CLEC12B: variants seen among roughly 807,000 people sequenced by gnomAD.
The protein encoded by CLEC12B is macrophage antigen h.
CLEC12B carries 25 observed loss-of-function variants against 36.1 expected under a neutral mutation model. The observed-to-expected ratio is 0.69, with a 90% CI of 0.50 to 0.97. CLEC12B has a LOEUF of 0.97. CLEC12B is among the 50% of genes least tolerant of loss of function. The pLI is 0.00. For synonymous variants in CLEC12B, 110 were observed against 108.5 expected (o/e 1.01, Z -0.09); for missense variants, 325 against 318.4 (o/e 1.02, Z -0.16).
intron 2 of CLEC12B, chr12:10,013,204 TAA>T (rs1236398314): frequency 3.2e-6 from 1 of 314,842 alleles, no homozygotes; most frequent in Non-Finnish European, 5.9e-6. Context: ...TGCTGAGAAA[TAA>T]AGTCAAGAAA....
intron 2 of CLEC12B, 27 bp from the exon 3 acceptor site, chr12:10,014,496 G>C: frequency 2.7e-6 from 4 of 1,484,920 alleles, no homozygotes; most frequent in Non-Finnish European, 3.8e-6. Context: ...AAGAATATAT[G>C]AACTTGTCTC....
In CLEC12B at chr12:10,018,068, C is replaced by T. The variant is rs950011260; in HGVS notation, c.681-263C>T. On this transcript the variant is annotated intron_variant, in intron 5 of 5. Coordinates refer to ENST00000338896, the MANE Select transcript of CLEC12B (RefSeq NM_001129998.3). ...GAATTACATATTTATGAAGGAAATA[C>T]AAATTCTCAGTCCAGGATTTAAGTA... The T allele has an allele frequency of 4.6e-5, 33 of 721,210 alleles. No individual in the cohort carries two copies. In the African/African-American group the frequency reaches 5.3e-4, roughly 12 times the overall value. The allele number at this position is 721,210 out of a possible 1,614,324, so 44.7% of individuals were successfully genotyped here. A position where few individuals can be genotyped will look rare whatever the true frequency, so the allele number is the denominator to read the frequency against.
chr12:10,017,702 T>G, intron 5 of CLEC12B: 1 of 933,912 alleles, frequency 1.1e-6, no homozygotes. Context: ...TGCAGGTCAT[T>G]TAGAAAAAAA....
intron 5 of CLEC12B, chr12:10,017,743 G>GTATAGTAT (rs1865522276): frequency 4.6e-6 from 4 of 872,866 alleles, no homozygotes; most frequent in Non-Finnish European, 5.5e-6. Context: ...ATTTAGATCT[G>GTATAGTAT]ACAAGTATAA....
upstream of CLEC12B, among the ~76,000 whole-genome samples, chr12:10,009,807 C>T (rs911404182): frequency 6.6e-6 from 1 of 152,124 alleles, no homozygotes; most frequent in Non-Finnish European, 1.5e-5. Flanking sequence ...CCAATCCTTC[C>T]CCTAAGTACA....
Position 10,012,822 on chromosome 12 carries a change from T to C in CLEC12B, c.129T>C (p.Ala43=), listed in dbSNP as rs35658169. 2,077 of 1,613,804 alleles carry C rather than the reference T, an allele frequency of 1.3e-3. 32 individuals are homozygous for C. The African/African-American group carries it at 0.024, about 19-fold the overall frequency. ...CATCTCCCATTTGGCGTCATGCTGC[T>C]CTGGGTCTGGTAACTCTTTGCCTGA... ...PAPSPIWRHA[A]LGLVTLCLML... is the part of the protein sequence containing the mutation. The change falls in exon 2 of 6, where the codon GCT becomes GCC. Residue 43 remains alanine (A), a synonymous_variant. Transcript: ENST00000338896.
upstream of CLEC12B, among the ~76,000 whole-genome samples, chr12:10,006,381 GCACGAATCTATAAGAAATTAATT>G (rs1375785222): frequency 4.0e-5 from 6 of 151,868 alleles, no homozygotes; most frequent in African/African-American, 1.4e-4. Context: ...TTATCTCAAG[GCACGAATCTATAAGAAATTAATT>G]CCCATTCTGG....
chr12:10,012,661 C>A, intron 1 of CLEC12B, 124 bp from the exon 2 acceptor site: 1 of 667,340 alleles, frequency 1.5e-6, no homozygotes, highest in Non-Finnish European at 2.6e-6. Flanking sequence ...TAAATGAGGG[C>A]ATTAAAGAAG....
chr12:10,017,732 A>G (rs1865521613), intron 5 of CLEC12B: 1 of 887,152 alleles, frequency 1.1e-6, no homozygotes, highest in Non-Finnish European at 1.4e-6. Context: ...GCACAAAGAA[A>G]ATTTAGATCT....
In CLEC12B at chr12:10,014,580, A is replaced by G. The variant is rs888854600; in HGVS notation, c.248A>G (p.Lys83Arg). Residue 83 changes from lysine (K) to arginine (R), a missense_variant, in exon 3 of 6, where the codon AAA (lysine) becomes AGA (arginine). By Grantham distance (26) the Lys-to-Arg change is conservative (BLOSUM62 2). Coordinates refer to ENST00000338896, the MANE Select transcript of CLEC12B (RefSeq NM_001129998.3). The stretch of plus-strand genomic sequence containing the variant: ...TCAGAGAAATTGAGTCAACTTCAGA[A>G]AACCATCCAACAGCAGCAGGATAAC... ...SDSEKLSQLQ[K>R]TIQQQQDNLS... The G allele has an allele frequency of 6.2e-7, 1 of 1,613,854 alleles. No individual in the cohort carries two copies. The highest frequency in any genetic ancestry group is 1.1e-5 in the South Asian group (1 of 91,074).
At chr12:10,006,927 C>T (rs1485544017), upstream of CLEC12B, among the ~76,000 whole-genome samples, 4 of 151,718 alleles carry the variant, frequency 2.6e-5, no homozygotes, top group Non-Finnish European at 5.9e-5. Flanking sequence ...GGGTGGCAGG[C>T]GCCTGTAGTC....
At chr12:10,011,016 G>A (rs1184533791) in intron 1 of CLEC12B, among the ~76,000 whole-genome samples, 166 bp downstream of exon 1, 1 of 152,200 alleles carries the variant, frequency 6.6e-6, no homozygotes, top group Non-Finnish European at 1.5e-5. Flanking sequence ...TCCCAAGGTT[G>A]AAGTGAAAAT....
chr12:10,015,579 C>A (rs577474028), intron 4 of CLEC12B, 33 bp from the exon 5 acceptor site: 2 of 1,612,510 alleles, frequency 1.2e-6, no homozygotes, highest in South Asian at 2.2e-5. Flanking sequence ...ATGTGGCGCT[C>A]ACGTAAAACT....
chr12:10,013,110 T>C, intron 2 of CLEC12B: 1 of 521,290 alleles, frequency 1.9e-6, no homozygotes, highest in Admixed American at 3.7e-5. Flanking sequence ...AAACTGGACT[T>C]AGACAAAGAC....
upstream of CLEC12B, among the ~76,000 whole-genome samples, chr12:10,010,191 G>GTCTCTC (rs761413491): frequency 2.9e-5 from 3 of 105,250 alleles, no homozygotes; most frequent in Non-Finnish European, 6.2e-5. Context: ...GTCTCTCTCT[G>GTCTCTC]TCTCTCTCTC....
In CLEC12B at chr12:10,010,627, G is replaced by A. The variant is rs547169018; in HGVS notation, c.-133G>A. 1 of 557,246 alleles carries A rather than the reference G, an allele frequency of 1.8e-6. No homozygotes were observed. The highest frequency in any genetic ancestry group is 2.1e-5 in the South Asian group (1 of 47,904). 34.5% of individuals were successfully genotyped at this position (557,246 alleles called of 1,614,324 possible). ...CAAATTGTCATTCTTCTCTTACAGA[G>A]GGGCAGTAGAGTGTGTCTGGGTCAG... is the stretch of plus-strand genomic sequence containing the variant. On this transcript the variant is annotated 5_prime_UTR_variant, in exon 1 of 6. Coordinates refer to ENST00000338896, the MANE Select transcript of CLEC12B (RefSeq NM_001129998.3).
chr12:10,008,554 G>C (rs1865257144), upstream of CLEC12B, among the ~76,000 whole-genome samples: 1 of 152,156 alleles, frequency 6.6e-6, no homozygotes, highest in Non-Finnish European at 1.5e-5. Context: ...AACAAAGTGA[G>C]TTTTTAAATA....
chr12:10,007,804 A>G (rs1439759005), upstream of CLEC12B, among the ~76,000 whole-genome samples: 3 of 152,236 alleles, frequency 2.0e-5, no homozygotes, highest in South Asian at 2.1e-4. Context: ...CTTATGATGA[A>G]TGAAGAGGTA....
chr12:10,010,253 A>G (rs1313812833), upstream of CLEC12B, among the ~76,000 whole-genome samples: 1 of 150,538 alleles, frequency 6.6e-6, no homozygotes. Context: ...AATTTTCTAT[A>G]ATAGCAGCCA....
Sources: allele counts gnomAD v4.1 joint callset (sites outside exome capture counted in the v4.1 genomes callset), GRCh38; gene constraint gnomAD v4.1.1; transcripts MANE v1.5; gene names NCBI Gene and HGNC (gene_info 2026-07-23, HGNC 2026-07-21).